POLB: variants seen among roughly 807,000 people sequenced by gnomAD.
POLB encodes the protein DNA polymerase beta, also known as 5'-dRP lyase.
In POLB, 37 loss-of-function variants were observed where a neutral mutation model predicts 52.7. The ratio of observed to expected loss-of-function variants is 0.70; its 90% CI spans 0.54 to 0.92. The LOEUF (loss-of-function observed/expected upper bound fraction) is 0.92, where lower values mean the gene tolerates loss of function less well. Ranked by LOEUF, POLB falls within the 40% of genes least tolerant of loss-of-function variation. The probability of loss-of-function intolerance (pLI) is 0.00; values close to 1 mark genes in which losing one functional copy is unlikely to be tolerated. For missense variants in POLB, 313 were observed against 400.8 expected, an observed-to-expected ratio of 0.78 and a Z score of 1.87; for synonymous variants, 138 against 131.3, an observed-to-expected ratio of 1.05 and a Z score of -0.35.
chr8:42,341,674 G>A (rs903070466), intron 2 of POLB: 11 of 252,408 alleles, frequency 4.4e-5, no homozygotes, highest in Non-Finnish European at 6.2e-5. Flanking sequence ...ACAGGTCACC[G>A]CTTTATGCTG....
Position 42,361,278 on chromosome 8 carries a change from G to A in POLB, c.551-17G>A, listed in dbSNP as rs201675014. 6.3e-7 allele frequency: 1 copy of A among 1,589,946 alleles called. No homozygotes were observed. Among genetic ancestry groups the A allele is most frequent in the East Asian group, 2.2e-5 (1 of 44,756 alleles). ...CATTTACATGGACAATCTCATATGT[G>A]TCTTCTGTCATCACAGGTGCAGAGT... On this transcript the variant is annotated splice_polypyrimidine_tract_variant and intron_variant, in intron 9 of 13. Transcript: ENST00000265421.
intron 9 of POLB, among the ~76,000 whole-genome samples, chr8:42,360,122 A>AGT (rs1720763592): frequency 6.9e-6 from 1 of 145,578 alleles, no homozygotes; most frequent in African/African-American, 2.5e-5. Flanking sequence ...TAATTTTTGT[A>AGT]TTTTTTTTTT....
chr8:42,349,683 C>T (rs1424017292), intron 4 of POLB, among the ~76,000 whole-genome samples: 3 of 152,208 alleles, frequency 2.0e-5, no homozygotes, highest in East Asian at 1.9e-4. Context: ...CCACCATACC[C>T]GGCCATCTTT....
At chr8:42,355,669 C>A in intron 7 of POLB, 102 bp downstream of exon 7, 1 of 678,386 alleles carries the variant, frequency 1.5e-6, no homozygotes, top group South Asian at 1.7e-5. Flanking sequence ...AGCTAAACCA[C>A]AACCATTTTC....
At chr8:42,355,708 T>C in intron 7 of POLB, 141 bp downstream of exon 7, 2 of 591,486 alleles carry the variant, frequency 3.4e-6, no homozygotes, top group Non-Finnish European at 6.2e-6. Flanking sequence ...ATTTGTGGAC[T>C]CTTACAGAGT....
intron 2 of POLB, chr8:42,342,642 A>G: frequency 9.7e-6 from 6 of 617,178 alleles, no homozygotes; most frequent in South Asian, 9.1e-5. Flanking sequence ...CATCCTGTGG[A>G]ACAGAGACCT....
intron 6 of POLB, among the ~76,000 whole-genome samples, chr8:42,353,388 G>A (rs768858747): frequency 1.3e-5 from 2 of 151,850 alleles, no homozygotes; most frequent in South Asian, 2.1e-4. Flanking sequence ...GATTACAGGC[G>A]TGAGCCACCG....
chr8:42,369,683 G>A (rs1409515021), intron 12 of POLB, 166 bp from the exon 13 acceptor site: 2 of 537,294 alleles, frequency 3.7e-6, no homozygotes, highest in Non-Finnish European at 6.5e-6. Flanking sequence ...CAAATTACAA[G>A]GTTGGGGTGA....
chr8:42,341,957 G>A, intron 2 of POLB: 1 of 715,630 alleles, frequency 1.4e-6, no homozygotes, highest in South Asian at 1.5e-5. Context: ...CATGTCTGAA[G>A]TTATGCTATT....
intron 11 of POLB, among the ~76,000 whole-genome samples, chr8:42,363,912 C>G (rs971885928): frequency 6.7e-6 from 1 of 149,258 alleles, no homozygotes; most frequent in African/African-American, 2.5e-5. Flanking sequence ...AGATAGAAAT[C>G]TAGAATTACG....
chr8:42,347,747 C>T (rs546352376), intron 3 of POLB, among the ~76,000 whole-genome samples: 19 of 152,250 alleles, frequency 1.2e-4, no homozygotes, highest in African/African-American at 4.6e-4. Context: ...ATCTATTCTG[C>T]TTCCTAAATC....
At chr8:42,345,872 A>G (rs1328961072) in intron 3 of POLB, among the ~76,000 whole-genome samples, 1 of 152,212 alleles carries the variant, frequency 6.6e-6, no homozygotes, top group Non-Finnish European at 1.5e-5. Flanking sequence ...CTTAAATTTA[A>G]GGACCATATC....
At chr8:42,347,821 G>A (rs991879567) in intron 3 of POLB, among the ~76,000 whole-genome samples, 2 of 151,952 alleles carry the variant, frequency 1.3e-5, no homozygotes, top group African/African-American at 4.8e-5. Flanking sequence ...AGTAATTTGG[G>A]GACATTTATT....
intron 9 of POLB, among the ~76,000 whole-genome samples, chr8:42,358,307 C>A (rs1218865187): frequency 1.3e-5 from 2 of 151,924 alleles, no homozygotes; most frequent in Non-Finnish European, 2.9e-5. Flanking sequence ...TCGAGACTAT[C>A]CTGGCTAACA....
intron 3 of POLB, among the ~76,000 whole-genome samples, chr8:42,347,955 T>C (rs1216632466): frequency 1.3e-5 from 2 of 152,104 alleles, no homozygotes; most frequent in Non-Finnish European, 2.9e-5. Flanking sequence ...CATTTTTCAA[T>C]ACACATGAAA....
chr8:42,367,323 G>T lies in POLB; in HGVS notation c.709-1948G>T, dbSNP rs1585920232. Among the ~76,000 whole-genome samples the T allele has an allele frequency of 3.3e-5, 5 of 152,252 alleles. No homozygotes were observed. In the South Asian group the frequency reaches 6.2e-4, roughly 19 times the overall value. Reference sequence around the variant, plus strand: ...AGGAAGAACAGGGTCTAGGGGAGAGGAGAGTGCAGGAGGCAGTATTAAATA... The same window carrying T: ...AGGAAGAACAGGGTCTAGGGGAGAGTAGAGTGCAGGAGGCAGTATTAAATA... On this transcript the variant is annotated intron_variant, in intron 11 of 13. Transcript: ENST00000265421.
In POLB at chr8:42,361,335, TC is replaced by T; in HGVS notation, c.594del (p.Ser199AlafsTer61). On this transcript the variant is annotated frameshift_variant, in exon 10 of 14. Coordinates refer to ENST00000265421, the MANE Select transcript of POLB (RefSeq NM_002690.3). LOFTEE classifies it high-confidence loss of function. ...GTGACATGGATGTTCTCCTGACCCA[TC>T]CCAGCTTCACTTCAGAATCAACCAA... ...SGDMDVLLTH[P>X]SFTSESTKQP... is the part of the protein sequence containing the mutation. The T allele has an allele frequency of 6.2e-7, 1 of 1,612,926 alleles. No individual in the cohort carries two copies. The highest frequency in any genetic ancestry group is 8.5e-7 in the Non-Finnish European group (1 of 1,178,862).
chr8:42,351,384 A>G (rs926550225), intron 5 of POLB, among the ~76,000 whole-genome samples: 15 of 152,224 alleles, frequency 9.9e-5, no homozygotes, highest in African/African-American at 1.2e-4. Flanking sequence ...ACTGAATGAT[A>G]CAGGTTTATT....
intron 5 of POLB, among the ~76,000 whole-genome samples, chr8:42,350,598 G>A (rs190717697): frequency 5.3e-5 from 8 of 152,164 alleles, no homozygotes; most frequent in African/African-American, 1.9e-4. Flanking sequence ...TAAATGAAGG[G>A]ATTATTATCT....
Sources: gnomAD v4.1 joint callset for allele counts (sites outside exome capture counted in the v4.1 genomes callset) on GRCh38, gnomAD v4.1.1 for gene constraint, MANE v1.5 for transcripts, NCBI Gene and HGNC (gene_info 2026-07-23, HGNC 2026-07-21) for gene names.